NHERF2: variants seen among roughly 807,000 people sequenced by gnomAD.
The protein encoded by NHERF2 is NHERF family PDZ scaffold protein 2.
the NHERF2 span, among the ~76,000 whole-genome samples, chr16:2,032,201 G>T: frequency 6.6e-6 from 1 of 152,036 alleles, no homozygotes; most frequent in African/African-American, 2.4e-5. The surrounding 1 kb of genome is among the most constrained non-coding windows in gnomAD (Gnocchi z 4.0). Flanking sequence ...TGTGTTTTTG[G>T]TAGAGACAGG....
At chr16:2,038,411 T>G in the NHERF2 span, 1 of 62,162 alleles carries the variant, frequency 1.6e-5, no homozygotes, top group Non-Finnish European at 3.6e-5. Context: ...CCCCCCCCCT[T>G]CCCCTCCCCC....
At chr16:2,038,076 G>T in the NHERF2 span, 1 of 1,477,934 alleles carries the variant, frequency 6.8e-7, no homozygotes, top group Non-Finnish European at 9.2e-7. Context: ...TCAGTGGACT[G>T]GAGGGTGGTC....
chr16:2,038,524 G>C, the NHERF2 span: 1 of 365,304 alleles, frequency 2.7e-6, no homozygotes, highest in Non-Finnish European at 5.1e-6. Flanking sequence ...CGGCCGTCCT[G>C]AGTGGGAGTC....
chr16:2,035,473 C>A, the NHERF2 span: 1 of 986,118 alleles, frequency 1.0e-6, no homozygotes, highest in Non-Finnish European at 1.2e-6. Context: ...GCCCCCAGCC[C>A]GCCTGCACAG....
the NHERF2 span, among the ~76,000 whole-genome samples, chr16:2,031,684 G>T: frequency 9.2e-5 from 14 of 152,244 alleles, no homozygotes; most frequent in East Asian, 1.9e-4. Flanking sequence ...AGGAGGTCAG[G>T]GGGCACCCAA....
At chr16:2,031,299 G>A in the NHERF2 span, among the ~76,000 whole-genome samples, 1 of 152,290 alleles carries the variant, frequency 6.6e-6, no homozygotes, top group African/African-American at 2.4e-5. Context: ...CTGGTGGGGG[G>A]GCTGGCCTTG....
the NHERF2 span, chr16:2,035,290 G>T: frequency 5.2e-6 from 3 of 577,404 alleles, no homozygotes; most frequent in Non-Finnish European, 6.6e-6. Context: ...ATTGGGGTTT[G>T]GAGCGAGCTT....
At chr16:2,031,528 G>A in the NHERF2 span, among the ~76,000 whole-genome samples, 1 of 152,190 alleles carries the variant, frequency 6.6e-6, no homozygotes, top group African/African-American at 2.4e-5. Flanking sequence ...TGCCTTGGGT[G>A]GGACCTTCCC....
At chr16:2,036,516 C>G in the NHERF2 span, 2 of 1,572,222 alleles carry the variant, frequency 1.3e-6, no homozygotes, top group Non-Finnish European at 1.7e-6. Context: ...ACCGGCCCAC[C>G]AGGGCTGCGG....
chr16:2,032,724 C>A, the NHERF2 span: 1 of 807,966 alleles, frequency 1.2e-6, no homozygotes, highest in Non-Finnish European at 1.5e-6. The surrounding 1 kb of genome is among the most constrained non-coding windows in gnomAD (Gnocchi z 4.0). Context: ...AGCCCTGGGC[C>A]ACACCAGGCT....
chr16:2,033,544 CA>C, the NHERF2 span: 2 of 1,194,446 alleles, frequency 1.7e-6, no homozygotes, highest in Admixed American at 5.3e-5. Context: ...GGTCGCTGAG[CA>C]ACAATGAAGG....
At chr16:2,037,459 G>GGT in the NHERF2 span, 6 of 1,241,606 alleles carry the variant, frequency 4.8e-6, no homozygotes, top group African/African-American at 7.6e-5. Flanking sequence ...ACTGGGGGGG[G>GGT]GTGTGCCTCT....
chr16:2,030,027 A>G, the NHERF2 span, among the ~76,000 whole-genome samples: 1 of 152,216 alleles, frequency 6.6e-6, no homozygotes, highest in African/African-American at 2.4e-5. Context: ...AGGATGCTCC[A>G]GAGCCACTTG....
chr16:2,039,007 T>C, the NHERF2 span: 2 of 152,370 alleles, frequency 1.3e-5, no homozygotes, highest in Non-Finnish European at 2.9e-5. Context: ...GCTCTCAGGA[T>C]AAACAGGCCC....
chr16:2,036,417 T>C, the NHERF2 span: 20 of 1,608,132 alleles, frequency 1.2e-5, no homozygotes, highest in Non-Finnish European at 1.7e-5. Flanking sequence ...TAGTGACAAG[T>C]CCCGGCCCGG....
the NHERF2 span, chr16:2,037,957 G>A: frequency 2.6e-5 from 42 of 1,613,442 alleles, no homozygotes; most frequent in Non-Finnish European, 3.1e-5. Context: ...ACTGGAACAG[G>A]AAGCGTGAAA....
chr16:2,035,842 G>A, the NHERF2 span: 1 of 272,584 alleles, frequency 3.7e-6, no homozygotes, highest in African/African-American at 2.3e-5. Context: ...GAATGTGAAA[G>A]CAAACAGAGC....
At chr16:2,033,168 G>A in the NHERF2 span, 44 of 1,424,840 alleles carry the variant, frequency 3.1e-5, no homozygotes, top group African/African-American at 1.4e-4. Context: ...TGGAGCCTTC[G>A]CAGGGGAGCG....
chr16:2,031,300 G>A, the NHERF2 span, among the ~76,000 whole-genome samples: 12 of 152,204 alleles, frequency 7.9e-5, no homozygotes, highest in African/African-American at 2.4e-4. Flanking sequence ...TGGTGGGGGG[G>A]CTGGCCTTGC....
Sources: gnomAD v4.1 joint callset for allele counts (sites outside exome capture counted in the v4.1 genomes callset) on GRCh38, gnomAD v4.1.1 for gene constraint, Gnocchi (gnomAD v3.1) non-coding constraint, MANE v1.5 for transcripts, NCBI Gene and HGNC (gene_info 2026-07-23, HGNC 2026-07-21) for gene names.